Variants in MTBP observed in about 807,000 individuals in gnomAD.
MTBP encodes the protein mdm2-binding protein.
In MTBP, 101 loss-of-function variants were observed where a neutral mutation model predicts 117.0. That is an observed-to-expected ratio of 0.86 (90% CI 0.73 to 1.02). MTBP has a LOEUF of 1.02. Among genes scored for constraint, MTBP ranks in the 50% least tolerant of loss-of-function variants. The probability of loss-of-function intolerance (pLI) is 0.00; values close to 1 mark genes in which losing one functional copy is unlikely to be tolerated. For missense variants in MTBP, 970 were observed against 1,030.9 expected, an observed-to-expected ratio of 0.94 and a Z score of 0.81; for synonymous variants, 350 against 351.5, an observed-to-expected ratio of 1.00 and a Z score of 0.05.
intron 2 of MTBP, 65 bp from the exon 3 acceptor site, chr8:120,450,938 A>T: frequency 9.0e-7 from 1 of 1,107,430 alleles, no homozygotes; most frequent in Non-Finnish European, 1.4e-6. Context: ...AGTACGGTAT[A>T]TATGCTGTGT....
chr8:120,469,551 G>A (rs1439335971), intron 10 of MTBP, among the ~76,000 whole-genome samples: 3 of 152,094 alleles, frequency 2.0e-5, no homozygotes, highest in Non-Finnish European at 4.4e-5. Flanking sequence ...AACCACCATT[G>A]CACTGCATGT....
chr8:120,457,013 ATGT>A (rs1813483548), intron 7 of MTBP, among the ~76,000 whole-genome samples: 2 of 152,260 alleles, frequency 1.3e-5, no homozygotes, highest in African/African-American at 4.8e-5. Flanking sequence ...AATCGAGTTC[ATGT>A]TGTTTATCCA....
chr8:120,448,273 A>T (rs1813268267), intron 2 of MTBP, among the ~76,000 whole-genome samples: 1 of 152,068 alleles, frequency 6.6e-6, no homozygotes. Context: ...TTCCTTTAAT[A>T]TTAAGGTTTT....
Position 120,460,042 on chromosome 8 carries a change from A to G in MTBP, c.882+693A>G, listed in dbSNP as rs567907821. On this transcript the variant is annotated intron_variant, in intron 8 of 21. Coordinates refer to ENST00000305949, the MANE Select transcript of MTBP (RefSeq NM_022045.5). Reference sequence around the variant, plus strand: ...TTCACTTTAAAAGAACTAATTTAAGAACATGGAAAACAGTGGGCATGAAGT... The same window carrying G: ...TTCACTTTAAAAGAACTAATTTAAGGACATGGAAAACAGTGGGCATGAAGT... Among the ~76,000 whole-genome samples, 29 of 152,268 alleles carry G rather than the reference A, an allele frequency of 1.9e-4. No homozygotes were observed. In the South Asian group the frequency reaches 5.8e-3, roughly 30 times the overall value.
At chr8:120,462,276 G>A (rs928540790) in intron 9 of MTBP, among the ~76,000 whole-genome samples, 1 of 152,144 alleles carries the variant, frequency 6.6e-6, no homozygotes, top group African/African-American at 2.4e-5. Context: ...CTAAACAAGT[G>A]GCATTTGGAA....
At chr8:120,458,656 A>G (rs578035579) in intron 7 of MTBP, among the ~76,000 whole-genome samples, 50 of 152,134 alleles carry the variant, frequency 3.3e-4, no homozygotes, top group African/African-American at 9.9e-4. Context: ...CCTGGCCAAC[A>G]TGGTAAAACC....
intron 4 of MTBP, among the ~76,000 whole-genome samples, chr8:120,453,208 TGGG>T (rs1813395096): frequency 6.6e-6 from 1 of 152,128 alleles, no homozygotes; most frequent in African/African-American, 2.4e-5. Context: ...GCCAGCACTT[TGGG>T]AGGCTGAGGC....
intron 4 of MTBP, 34 bp from the exon 5 acceptor site, chr8:120,453,813 G>T: frequency 9.1e-7 from 1 of 1,097,404 alleles, no homozygotes; most frequent in Admixed American, 2.1e-5. Context: ...ATATTTATGG[G>T]GTTTTCTTTC....
chr8:120,508,639 A>G (rs1335246300), intron 16 of MTBP, among the ~76,000 whole-genome samples: 1 of 152,182 alleles, frequency 6.6e-6, no homozygotes, highest in Admixed American at 6.5e-5. Context: ...CAGTGGCAGG[A>G]CAGTTTTCAT....
chr8:120,511,698 C>T (rs34116636), intron 17 of MTBP, among the ~76,000 whole-genome samples: 4,327 of 151,924 alleles, frequency 0.028, 106 homozygotes, highest in Non-Finnish European at 0.038. Context: ...TTCTGTTTTC[C>T]CCCTTCTGAT....
At chr8:120,472,043 C>G (rs529336412) in intron 11 of MTBP, 1 of 152,142 alleles carries the variant, frequency 6.6e-6, no homozygotes, top group African/African-American at 2.4e-5. Flanking sequence ...TTAAATTGAA[C>G]AAAAATTGTT....
chr8:120,481,892 G>A (rs757997720), intron 11 of MTBP, among the ~76,000 whole-genome samples: 1 of 152,060 alleles, frequency 6.6e-6, no homozygotes, highest in African/African-American at 2.4e-5. Flanking sequence ...CTAGTTTAAT[G>A]ATTCTTAACA....
chr8:120,448,703 A>G (rs928418995), intron 2 of MTBP, among the ~76,000 whole-genome samples: 4 of 152,196 alleles, frequency 2.6e-5, no homozygotes, highest in African/African-American at 9.7e-5. Flanking sequence ...GTTAGTGAAT[A>G]TACCATGGTA....
chr8:120,478,590 AG>A (rs1813998782), intron 11 of MTBP, among the ~76,000 whole-genome samples: 1 of 152,218 alleles, frequency 6.6e-6, no homozygotes, highest in Non-Finnish European at 1.5e-5. Context: ...AACATGTTAA[AG>A]GCACTCTTGG....
intron 11 of MTBP, among the ~76,000 whole-genome samples, chr8:120,482,882 G>T (rs1197723278): frequency 6.6e-6 from 1 of 151,740 alleles, no homozygotes; most frequent in Non-Finnish European, 1.5e-5. Context: ...TGTATTTTTA[G>T]TAGAGATGGG....
Position 120,446,397 on chromosome 8 carries a change from A to G in MTBP, c.119-36A>G, listed in dbSNP as rs767160123. 11 of 1,271,106 alleles carry G rather than the reference A, an allele frequency of 8.7e-6. No homozygotes were observed. In the East Asian group the frequency reaches 1.6e-4, roughly 19 times the overall value. 78.7% of individuals were successfully genotyped at this position (1,271,106 alleles called of 1,614,324 possible). On this transcript the variant is annotated intron_variant, in intron 1 of 21. Transcript: ENST00000305949. ...GGACTAAGTTAGATTATGTAAATCT[A>G]GAGCCCTTTGAGTTAGTCTATCTTT...
At chr8:120,501,272 G>C (rs994181417) in intron 14 of MTBP, among the ~76,000 whole-genome samples, 7 of 151,828 alleles carry the variant, frequency 4.6e-5, no homozygotes, top group African/African-American at 1.7e-4. Context: ...TGAGCCAGGA[G>C]AATGGCGTGA....
intron 1 of MTBP, among the ~76,000 whole-genome samples, chr8:120,446,120 C>G (rs1813221444): frequency 6.6e-6 from 1 of 152,188 alleles, no homozygotes; most frequent in African/African-American, 2.4e-5. Context: ...TTCGATCAAA[C>G]AGGCATTTTG....
intron 6 of MTBP, among the ~76,000 whole-genome samples, chr8:120,456,202 A>G (rs927249556): frequency 2.6e-5 from 4 of 152,158 alleles, no homozygotes; most frequent in African/African-American, 7.2e-5. Context: ...GCAAAGATGT[A>G]TGGGAACAAT....
Sources: gnomAD v4.1 joint callset for allele counts (sites outside exome capture counted in the v4.1 genomes callset) on GRCh38, gnomAD v4.1.1 for gene constraint, MANE v1.5 for transcripts, NCBI Gene and HGNC (gene_info 2026-07-23, HGNC 2026-07-21) for gene names.